The following TNIP1 variants were observed in gnomAD, a reference collection of about 807,000 sequenced individuals.
TNIP1 encodes the protein TNFAIP3-interacting protein 1.
Under a neutral mutation model 86.6 loss-of-function variants are expected in TNIP1, and 22 were observed. The observed-to-expected ratio is 0.25, with a 90% CI of 0.18 to 0.36. TNIP1 has a LOEUF of 0.36. Ranked by LOEUF, TNIP1 falls within the 10% of genes least tolerant of loss-of-function variation. TNIP1 has a pLI of 1.00. For synonymous variants in TNIP1, 294 were observed against 313.0 expected, an observed-to-expected ratio of 0.94 and a Z score of 0.64; for missense variants, 709 against 820.6, an observed-to-expected ratio of 0.86 and a Z score of 1.66.
upstream of TNIP1, among the ~76,000 whole-genome samples, chr5:151,083,959 C>A (rs2113865906): frequency 6.6e-6 from 1 of 152,326 alleles, no homozygotes; most frequent in East Asian, 1.9e-4. Context: ...CATTATCATC[C>A]ACATTTCACA....
Position 151,049,880 on chromosome 5 carries a change from G to A in TNIP1, c.790C>T (p.Pro264Ser), listed in dbSNP as rs766804511. The change falls in exon 8 of 18, where the codon CCA (proline) becomes TCA (serine). Residue 264 changes from proline (P) to serine (S), a missense_variant. By Grantham distance (74) the Pro-to-Ser change is moderately conservative. Transcript: ENST00000521591. ...NGNKEGASGRPGSPKMEGTGK... is the reference protein window; with the variant it reads ...NGNKEGASGRSGSPKMEGTGK... ...GTCCCTTCCATCTTCGGTGAGCCTGGCCGCCCAGACGCACCCTCTTTGTTG... is the reference window on the plus strand; with the variant it reads ...GTCCCTTCCATCTTCGGTGAGCCTGACCGCCCAGACGCACCCTCTTTGTTG... 7 of 1,614,188 alleles carry A rather than the reference G, an allele frequency of 4.3e-6. No individual in the cohort carries two copies. In the Admixed American group the frequency reaches 8.3e-5, roughly 19 times the overall value.
chr5:151,079,159 T>C (rs191014622), intron 1 of TNIP1, among the ~76,000 whole-genome samples: 1 of 152,246 alleles, frequency 6.6e-6, no homozygotes, highest in East Asian at 1.9e-4. Context: ...ATCACGTGCT[T>C]CCATGAAGTG....
chr5:151,052,090 A>G, intron 7 of TNIP1, 75 bp downstream of exon 7: 1 of 1,395,374 alleles, frequency 7.2e-7, no homozygotes, highest in Non-Finnish European at 1.0e-6. Flanking sequence ...CTCAACCCAG[A>G]AATCAGTGCT....
rs1362632571 is a variant in TNIP1 at position 151,030,377 on chromosome 5, G to A, written c.*336C>T. The stretch of plus-strand genomic sequence containing the variant: ...TTCCGGGAGGTTTTGAAGGAAGGGG[G>A]TCTTGGCTGCCTCCCACTCTTAGGA... On this transcript the variant is annotated 3_prime_UTR_variant, in exon 18 of 18. Transcript: ENST00000521591. 18 of 472,250 alleles carry A rather than the reference G, an allele frequency of 3.8e-5. No individual in the cohort carries two copies. The highest frequency in any genetic ancestry group is 2.1e-4 in the South Asian group (10 of 48,650). 29.3% of individuals were successfully genotyped at this position (472,250 alleles called of 1,614,324 possible). A position where few individuals can be genotyped will look rare whatever the true frequency, so the allele number is the denominator to read the frequency against.
chr5:151,053,101 CTTTTTT>C (rs11390788), intron 6 of TNIP1, among the ~76,000 whole-genome samples: 26 of 85,210 alleles, frequency 3.1e-4, no homozygotes, highest in African/African-American at 9.8e-4. Flanking sequence ...AACTGTTTCT[CTTTTTT>C]TTTTTTTTTT....
chr5:151,059,100 G>C (rs1172243129), intron 5 of TNIP1, among the ~76,000 whole-genome samples: 1 of 152,204 alleles, frequency 6.6e-6, no homozygotes, highest in African/African-American at 2.4e-5. Flanking sequence ...GACTTCTCCA[G>C]ACTACAAGCT....
chr5:151,064,877 T>G lies in TNIP1; in HGVS notation c.136+83A>C, dbSNP rs1015908026. ...ACTTGGGCAGAGGCATATGCCAGCT[T>G]CATTCTCCACTGCTAGTAGAGGGAC... is the stretch of plus-strand genomic sequence containing the variant. On this transcript the variant is annotated intron_variant, in intron 2 of 17. Transcript: ENST00000521591. The G allele has an allele frequency of 2.5e-6, 4 of 1,588,142 alleles. No individual in the cohort carries two copies. In the African/African-American group the frequency reaches 4.0e-5, roughly 16 times the overall value.
At chr5:151,077,042 G>T (rs1377620501) in intron 1 of TNIP1, among the ~76,000 whole-genome samples, 3 of 152,168 alleles carry the variant, frequency 2.0e-5, no homozygotes, top group Non-Finnish European at 4.4e-5. Context: ...TCACAGACTG[G>T]GTAATTTATA....
Position 151,052,265 on chromosome 5 carries a change from G to C in TNIP1, c.628-6C>G. ...CGAAGCTGCTCACACAGGGTCTGTG[G>C]GGCAGGGGAACAGACAGGGTGAGGG... On this transcript the variant is annotated splice_polypyrimidine_tract_variant and splice_region_variant and intron_variant, in intron 6 of 17. Coordinates refer to ENST00000521591, the MANE Select transcript of TNIP1 (RefSeq NM_006058.5). The C allele has an allele frequency of 6.2e-7, 1 of 1,612,572 alleles. No individual in the cohort carries two copies. Among genetic ancestry groups the C allele is most frequent in the Non-Finnish European group, 8.5e-7 (1 of 1,179,220 alleles).
At chr5:151,040,165 T>C (rs1404158927) in intron 11 of TNIP1, among the ~76,000 whole-genome samples, 1 of 152,198 alleles carries the variant, frequency 6.6e-6, no homozygotes. Flanking sequence ...AAATAAACTA[T>C]ATATTCCTAT....
chr5:151,057,046 A>C, intron 5 of TNIP1, 89 bp from the exon 6 acceptor site: 6 of 1,239,146 alleles, frequency 4.8e-6, no homozygotes, highest in Non-Finnish European at 6.2e-6. Flanking sequence ...CTCATTTCTC[A>C]TGACTCAGTT....
At chr5:151,057,749 G>A (rs1339364957) in intron 5 of TNIP1, among the ~76,000 whole-genome samples, 12 of 152,144 alleles carry the variant, frequency 7.9e-5, no homozygotes, top group Admixed American at 7.9e-4. Flanking sequence ...TATTGAACAT[G>A]TACAGAATTT....
intron 3 of TNIP1, among the ~76,000 whole-genome samples, chr5:151,062,930 G>GC (rs1761768769): frequency 1.3e-5 from 2 of 152,364 alleles, no homozygotes; most frequent in Admixed American, 1.3e-4. Context: ...TAGAGCTGCA[G>GC]CAGGAGGCAT....
intron 5 of TNIP1, 76 bp from the exon 6 acceptor site, chr5:151,057,033 TTCC>T (rs1272839487): frequency 3.1e-6 from 4 of 1,279,342 alleles, no homozygotes; most frequent in East Asian, 3.0e-5. Context: ...CTCCCTCTGC[TTCC>T]TCATTTCTCA....
chr5:151,080,636 C>G lies in TNIP1; in HGVS notation c.-37+244G>C, dbSNP rs764330664. On this transcript the variant is annotated intron_variant, in intron 1 of 17. Transcript: ENST00000521591. Reference sequence around the variant, plus strand: ...TGCGCTCTCTACAACCGCCCCACGCCGTTCCCAGGCGTGCTACCCCGCGCA... The same window carrying G: ...TGCGCTCTCTACAACCGCCCCACGCGGTTCCCAGGCGTGCTACCCCGCGCA... Among the ~76,000 whole-genome samples the G allele has an allele frequency of 1.6e-4, 24 of 152,350 alleles. 1 individual carries two copies. Among genetic ancestry groups the G allele is most frequent in the Middle Eastern group, 6.8e-3 (2 of 294 alleles).
intron 5 of TNIP1, 70 bp downstream of exon 5, chr5:151,060,248 C>T (rs1318359559): frequency 1.9e-6 from 3 of 1,546,230 alleles, no homozygotes; most frequent in Non-Finnish European, 2.7e-6. Context: ...CTGTGCCTCT[C>T]ACATGGTAGC....
chr5:151,031,165 G>A (rs1756837634), intron 17 of TNIP1, among the ~76,000 whole-genome samples: 1 of 152,110 alleles, frequency 6.6e-6, no homozygotes, highest in Admixed American at 6.5e-5. Context: ...AACAGAAAAT[G>A]ACTGAGCAGC....
At chr5:151,079,466 A>G (rs1418204178) in intron 1 of TNIP1, among the ~76,000 whole-genome samples, 2 of 152,146 alleles carry the variant, frequency 1.3e-5, no homozygotes, top group Non-Finnish European at 2.9e-5. Context: ...TACTCAAAAT[A>G]CAAAAAAATT....
chr5:151,054,403 G>C (rs1028477392), intron 6 of TNIP1, among the ~76,000 whole-genome samples: 1 of 152,164 alleles, frequency 6.6e-6, no homozygotes, highest in African/African-American at 2.4e-5. Flanking sequence ...AGAACCAGCT[G>C]GGCATGGTGG....
Sources: allele counts gnomAD v4.1 joint callset (sites outside exome capture counted in the v4.1 genomes callset), GRCh38; gene constraint gnomAD v4.1.1; transcripts MANE v1.5; gene names NCBI Gene and HGNC (gene_info 2026-07-23, HGNC 2026-07-21).